Variants in NRXN1 observed in about 807,000 individuals in gnomAD.
The protein encoded by NRXN1 is neurexin 1.
NRXN1 carries 39 observed loss-of-function variants against 150.9 expected under a neutral mutation model. The ratio of observed to expected loss-of-function variants is 0.26; its 90% CI spans 0.20 to 0.34. NRXN1 has a LOEUF of 0.34. NRXN1 is among the 10% of genes least tolerant of loss of function. The probability of loss-of-function intolerance (pLI) is 1.00; values close to 1 mark genes in which losing one functional copy is unlikely to be tolerated. For synonymous variants in NRXN1, 924 were observed against 757.0 expected, an observed-to-expected ratio of 1.22 and a Z score of -3.62; for missense variants, 1,815 against 1,949.9, an observed-to-expected ratio of 0.93 and a Z score of 1.30.
At chr2:50,893,689 T>C (rs1216569693) in intron 5 of NRXN1, among the ~76,000 whole-genome samples, 2 of 152,214 alleles carry the variant, frequency 1.3e-5, no homozygotes, top group African/African-American at 4.8e-5. Context: ...AGTCAGCATA[T>C]ACATTCACAA....
chr2:50,296,034 T>C (rs979554931), intron 17 of NRXN1, among the ~76,000 whole-genome samples: 5 of 152,216 alleles, frequency 3.3e-5, no homozygotes, highest in Admixed American at 2.0e-4. Context: ...AAGCCATTAC[T>C]CCAGATGTGC....
chr2:49,994,080 G>A (rs1185873201), intron 21 of NRXN1, among the ~76,000 whole-genome samples: 1 of 152,020 alleles, frequency 6.6e-6, no homozygotes, highest in Non-Finnish European at 1.5e-5. Flanking sequence ...ATCACACCGG[G>A]GATCCTCTGT....
At chr2:50,912,026 CAA>C (rs905009743) in intron 5 of NRXN1, among the ~76,000 whole-genome samples, 1 of 151,366 alleles carries the variant, frequency 6.6e-6, no homozygotes, top group Admixed American at 6.6e-5. Flanking sequence ...TTTTTATTAT[CAA>C]AAAAAGTCTT....
intron 18 of NRXN1, among the ~76,000 whole-genome samples, chr2:50,098,537 T>C (rs1700543008): frequency 6.6e-6 from 1 of 152,172 alleles, no homozygotes; most frequent in South Asian, 2.1e-4. Flanking sequence ...CATACCAGAC[T>C]ACTCACTATG....
intron 18 of NRXN1, among the ~76,000 whole-genome samples, chr2:50,159,037 A>G (rs993202512): frequency 3.9e-5 from 6 of 152,018 alleles, no homozygotes; most frequent in African/African-American, 1.2e-4. Context: ...TGATGATCAG[A>G]GAGATAGAAA....
At chr2:50,435,700 G>C (rs1031024541) in intron 17 of NRXN1, among the ~76,000 whole-genome samples, 2 of 152,126 alleles carry the variant, frequency 1.3e-5, no homozygotes, top group Non-Finnish European at 2.9e-5. Flanking sequence ...TCTGCTTTGA[G>C]TTATTTGAAA....
At chr2:50,598,657 C>A (rs1229481753) in intron 8 of NRXN1, among the ~76,000 whole-genome samples, 2 of 144,450 alleles carry the variant, frequency 1.4e-5, no homozygotes, top group Non-Finnish European at 3.0e-5. Flanking sequence ...TATCTATATA[C>A]ATATATATTC....
chr2:49,995,685 G>A (rs1364358527), intron 21 of NRXN1, among the ~76,000 whole-genome samples: 1 of 148,172 alleles, frequency 6.7e-6, no homozygotes, highest in East Asian at 2.0e-4. Context: ...GGAGGCTGAG[G>A]CAGGAGAATG....
At chr2:50,193,731 T>G (rs755528130) in intron 18 of NRXN1, among the ~76,000 whole-genome samples, 1 of 152,140 alleles carries the variant, frequency 6.6e-6, no homozygotes, top group African/African-American at 2.4e-5. Context: ...AAGATACTCA[T>G]AGAAAAATGG....
intron 5 of NRXN1, among the ~76,000 whole-genome samples, chr2:50,871,501 CA>C (rs1171641953): frequency 6.6e-6 from 1 of 151,666 alleles, no homozygotes; most frequent in Non-Finnish European, 1.5e-5. Context: ...TAAATGTGTA[CA>C]ATAAATTATG....
chr2:50,898,764 G>C (rs1036232783), intron 5 of NRXN1, among the ~76,000 whole-genome samples: 5 of 151,854 alleles, frequency 3.3e-5, no homozygotes, highest in Non-Finnish European at 7.4e-5. Flanking sequence ...AATAAGTGTT[G>C]ATGGACATCA....
At chr2:50,412,119 A>G (rs922083528) in intron 17 of NRXN1, among the ~76,000 whole-genome samples, 1 of 151,998 alleles carries the variant, frequency 6.6e-6, no homozygotes, top group African/African-American at 2.4e-5. Flanking sequence ...AAGGCAGCAT[A>G]CTCATTAAGT....
At chr2:50,360,859 G>A (rs189604114) in intron 17 of NRXN1, among the ~76,000 whole-genome samples, 278 of 152,180 alleles carry the variant, frequency 1.8e-3, no homozygotes, top group African/African-American at 6.6e-3. Flanking sequence ...CCACATAATT[G>A]GAAGTAAAAC....
intron 19 of NRXN1, among the ~76,000 whole-genome samples, chr2:50,058,729 TG>T (rs1168668882): frequency 6.6e-6 from 1 of 151,722 alleles, no homozygotes; most frequent in East Asian, 1.9e-4. Context: ...ATTATGGGGG[TG>T]GGTTTTTCCC....
At chr2:50,738,714 T>C (rs960604148) in intron 5 of NRXN1, among the ~76,000 whole-genome samples, 2 of 152,150 alleles carry the variant, frequency 1.3e-5, no homozygotes, top group Non-Finnish European at 2.9e-5. Context: ...ATATTAAAAA[T>C]AACTTGCTAA....
chr2:50,564,554 A>G lies in NRXN1; in HGVS notation c.1321-11529T>C, dbSNP rs576082154. ...TTTTAAATTTATTAAAGGCATATAAATGACAGAATGAGACAGTCTGTATAA... is the reference window on the plus strand; with the variant it reads ...TTTTAAATTTATTAAAGGCATATAAGTGACAGAATGAGACAGTCTGTATAA... On this transcript the variant is annotated intron_variant, in intron 8 of 22. Coordinates refer to ENST00000401669, the MANE Select transcript of NRXN1 (RefSeq NM_001330078.2). Among the ~76,000 whole-genome samples the G allele has an allele frequency of 9.2e-5, 14 of 152,336 alleles. No homozygotes were observed. The South Asian group carries it at 2.7e-3, about 29-fold the overall frequency.
intron 17 of NRXN1, among the ~76,000 whole-genome samples, chr2:50,323,973 G>C (rs1028082638): frequency 1.3e-5 from 2 of 152,170 alleles, no homozygotes; most frequent in African/African-American, 2.4e-5. Context: ...TTTTGAGGTA[G>C]GTAGCAGATA....
intron 8 of NRXN1, among the ~76,000 whole-genome samples, chr2:50,571,027 C>A (rs532584312): frequency 6.6e-6 from 1 of 152,218 alleles, no homozygotes; most frequent in Non-Finnish European, 1.5e-5. Context: ...TAAACAAAAA[C>A]TCTTTGAGAA....
At chr2:50,418,194 T>C (rs1464077800) in intron 17 of NRXN1, among the ~76,000 whole-genome samples, 3 of 152,020 alleles carry the variant, frequency 2.0e-5, no homozygotes, top group African/African-American at 7.2e-5. Context: ...GGTTTCCTTC[T>C]TGGTTCACTG....
Sources: allele counts gnomAD v4.1 joint callset (sites outside exome capture counted in the v4.1 genomes callset), GRCh38; gene constraint gnomAD v4.1.1; transcripts MANE v1.5; gene names NCBI Gene and HGNC (gene_info 2026-07-23, HGNC 2026-07-21).